DENND2A: variants seen among roughly 807,000 people sequenced by gnomAD.
DENND2A encodes DENN domain containing 2A.
In DENND2A, 53 loss-of-function variants were observed where a neutral mutation model predicts 105.3. The ratio of observed to expected loss-of-function variants is 0.50; its 90% CI spans 0.40 to 0.63. The LOEUF is 0.63. Among genes scored for constraint, DENND2A ranks in the 30% least tolerant of loss-of-function variants. The pLI is 0.00. For synonymous variants in DENND2A, 522 were observed against 508.4 expected, an observed-to-expected ratio of 1.03 and a Z score of -0.36; for missense variants, 1,138 against 1,279.6, an observed-to-expected ratio of 0.89 and a Z score of 1.69.
intron 14 of DENND2A, among the ~76,000 whole-genome samples, chr7:140,542,283 C>T (rs1249817743): frequency 3.3e-5 from 5 of 152,142 alleles, no homozygotes; most frequent in South Asian, 2.1e-4. Flanking sequence ...CATTTCCTTC[C>T]GGATCTTCTT....
intron 1 of DENND2A, among the ~76,000 whole-genome samples, chr7:140,636,482 G>A (rs1800937923): frequency 6.6e-6 from 1 of 152,156 alleles, no homozygotes; most frequent in Admixed American, 6.5e-5. Flanking sequence ...CTGAGGACCT[G>A]CGAGGCATCC....
At chr7:140,606,892 C>T (rs139200384) in intron 1 of DENND2A, among the ~76,000 whole-genome samples, 300 of 152,312 alleles carry the variant, frequency 2.0e-3, no homozygotes, top group African/African-American at 7.0e-3. Flanking sequence ...CAAGTCCTTC[C>T]AGAACTCTTT....
At chr7:140,588,194 G>A (rs1307770480) in intron 3 of DENND2A, among the ~76,000 whole-genome samples, 1 of 152,032 alleles carries the variant, frequency 6.6e-6, no homozygotes, top group Non-Finnish European at 1.5e-5. Context: ...TATACACTGT[G>A]CCCGGCCTGA....
intron 12 of DENND2A, among the ~76,000 whole-genome samples, chr7:140,553,977 C>T (rs1797253040): frequency 6.6e-6 from 1 of 152,192 alleles, no homozygotes; most frequent in Admixed American, 6.5e-5. Flanking sequence ...CCTGTAATCC[C>T]AGCACTTAGG....
chr7:140,592,332 G>A (rs1228538712), intron 3 of DENND2A, among the ~76,000 whole-genome samples: 5 of 151,534 alleles, frequency 3.3e-5, no homozygotes, highest in Admixed American at 6.6e-5. Flanking sequence ...TCAGGCTCTC[G>A]AGTAGCTGGG....
chr7:140,630,979 T>G (rs1800714762), intron 1 of DENND2A, among the ~76,000 whole-genome samples: 1 of 152,200 alleles, frequency 6.6e-6, no homozygotes, highest in Non-Finnish European at 1.5e-5. Flanking sequence ...GGAGAGTTAG[T>G]GGTCCTGGGA....
At chr7:140,578,463 C>T (rs1330776071) in intron 5 of DENND2A, among the ~76,000 whole-genome samples, 2 of 152,220 alleles carry the variant, frequency 1.3e-5, no homozygotes, top group Admixed American at 6.5e-5. Context: ...ATCATTCCTA[C>T]TCTTAGGAGA....
rs1796126494 is a variant in DENND2A, at chr7:140,527,995, C to G, written c.2328-500G>C. ...AGCTGGGACTGCAGGCACGCGCCAC[C>G]ACACCTGGCTAATTTTTGCATTTTT... On this transcript the variant is annotated intron_variant, in intron 14 of 19. Transcript: ENST00000496613. The surrounding 1 kb of genome is among the most constrained non-coding windows in gnomAD (Gnocchi z 4.9). 2.0e-5 allele frequency among the ~76,000 whole-genome samples: 3 copies of G among 151,978 alleles called. No homozygotes were observed. Among genetic ancestry groups the G allele is most frequent in the African/African-American group, 7.3e-5 (3 of 41,364 alleles).
intron 5 of DENND2A, among the ~76,000 whole-genome samples, chr7:140,579,201 G>A (rs1439011089): frequency 6.6e-6 from 1 of 151,914 alleles, no homozygotes; most frequent in Non-Finnish European, 1.5e-5. Context: ...GCTGAGGCAG[G>A]AGAATTGCTT....
intron 1 of DENND2A, among the ~76,000 whole-genome samples, chr7:140,619,428 G>A (rs1326219981): frequency 6.6e-6 from 1 of 152,088 alleles, no homozygotes; most frequent in African/African-American, 2.4e-5. Context: ...TCTTTCCAGG[G>A]TGATGAAAGT....
rs3042407 is a variant in DENND2A at position 140,534,081 on chromosome 7, A to ATTTTTTTTTTTTTTTTTTT, written c.2328-6605_2328-6587dup. ...GGCACGTGCCACCAATGCCTGGTTA[A>ATTTTTTTTTTTTTTTTTTT]TTTTTTTTTTTTTTTTTTTTTGAGA... On this transcript the variant is annotated intron_variant, in intron 14 of 19. Coordinates refer to ENST00000496613, the MANE Select transcript of DENND2A (RefSeq NM_015689.5). Among the ~76,000 whole-genome samples, 8 of 80,100 alleles carry ATTTTTTTTTTTTTTTTTTT rather than the reference A, an allele frequency of 1.0e-4. 1 individual carries two copies. Among genetic ancestry groups the ATTTTTTTTTTTTTTTTTTT allele is most frequent in the Non-Finnish European group, 1.4e-4 (6 of 43,304 alleles). The allele number at this position is 80,100 out of a possible 152,430, so 52.5% of individuals were successfully genotyped here. A position where few individuals can be genotyped will look rare whatever the true frequency, so the allele number is the denominator to read the frequency against.
At chr7:140,620,781 T>A (rs1180732673) in intron 1 of DENND2A, among the ~76,000 whole-genome samples, 2 of 152,196 alleles carry the variant, frequency 1.3e-5, no homozygotes. Context: ...CATTAGCTCC[T>A]TTCCCTTAGA....
intron 9 of DENND2A, among the ~76,000 whole-genome samples, chr7:140,562,218 A>G (rs1407122460): frequency 2.0e-5 from 3 of 151,820 alleles, no homozygotes; most frequent in Non-Finnish European, 4.4e-5. Flanking sequence ...CCTTGCAGAC[A>G]ATTTCTGAAG....
chr7:140,605,929 G>T (rs1019260607), intron 1 of DENND2A, 123 bp from the exon 2 acceptor site: 1 of 152,228 alleles, frequency 6.6e-6, no homozygotes, highest in African/African-American at 2.4e-5. Context: ...GGAGCAGGGG[G>T]TGGAAAGAAC....
intron 5 of DENND2A, among the ~76,000 whole-genome samples, chr7:140,575,974 A>T (rs867057137): frequency 6.6e-6 from 1 of 151,614 alleles, no homozygotes; most frequent in Admixed American, 6.6e-5. Flanking sequence ...ATCTCAAAAA[A>T]AAATAAATAA....
intron 1 of DENND2A, chr7:140,609,877 T>C (rs1162549670): frequency 6.6e-6 from 1 of 152,208 alleles, no homozygotes; most frequent in East Asian, 1.9e-4. Context: ...GTCAACTGAA[T>C]TGATTATTCA....
At chr7:140,561,367 G>A (rs1352891806) in intron 9 of DENND2A, among the ~76,000 whole-genome samples, 1 of 151,996 alleles carries the variant, frequency 6.6e-6, no homozygotes, top group Admixed American at 6.6e-5. Context: ...AAAAGTTAAA[G>A]AAAAATACAT....
In DENND2A at chr7:140,556,400, G is replaced by A. The variant is rs113540957; in HGVS notation, c.1960-687C>T. On this transcript the variant is annotated intron_variant, in intron 11 of 19. Transcript: ENST00000496613. Reference sequence around the variant, plus strand: ...GTTGTCCAGACTGGAGTGCAGCGACGCGATCTCAGCTCACTGCACCCTCCA... The same window carrying A: ...GTTGTCCAGACTGGAGTGCAGCGACACGATCTCAGCTCACTGCACCCTCCA... Among the ~76,000 whole-genome samples the A allele has an allele frequency of 4.7e-3, 722 of 152,052 alleles. 10 individuals are homozygous for A. Among genetic ancestry groups the A allele is most frequent in the African/African-American group, 0.016 (684 of 41,472 alleles).
chr7:140,598,750 A>G (rs1799375648), intron 3 of DENND2A, among the ~76,000 whole-genome samples: 1 of 152,200 alleles, frequency 6.6e-6, no homozygotes, highest in Admixed American at 6.5e-5. Context: ...TAGCATGTCA[A>G]ATAATTATAT....
Sources: allele counts gnomAD v4.1 joint callset (sites outside exome capture counted in the v4.1 genomes callset), GRCh38; gene constraint gnomAD v4.1.1; non-coding constraint Gnocchi (gnomAD v3.1); transcripts MANE v1.5; gene names NCBI Gene and HGNC (gene_info 2026-07-23, HGNC 2026-07-21).